RBMS3: variants seen among roughly 807,000 people sequenced by gnomAD.
RBMS3 encodes the protein RNA-binding motif, single-stranded-interacting protein 3.
In RBMS3, 27 loss-of-function variants were observed where a neutral mutation model predicts 66.8. That is an observed-to-expected ratio of 0.40 (90% confidence interval 0.30 to 0.56). The LOEUF (loss-of-function observed/expected upper bound fraction) is 0.56. RBMS3 is among the 20% of genes least tolerant of loss of function. The pLI, the probability that RBMS3 is intolerant of heterozygous loss-of-function variation, is 0.40. For missense variants in RBMS3, 513 were observed against 549.5 expected (o/e 0.93, Z 0.66); for synonymous variants, 188 against 183.0 (o/e 1.03, Z -0.22).
chr3:29,637,013 G>A (rs1408342798), intron 4 of RBMS3, among the ~76,000 whole-genome samples: 4 of 151,846 alleles, frequency 2.6e-5, no homozygotes, highest in Non-Finnish European at 5.9e-5. Flanking sequence ...CAGGTTATTA[G>A]CAGCATGGAA....
chr3:29,946,509 A>G (rs963867328), intron 12 of RBMS3, among the ~76,000 whole-genome samples: 1 of 151,756 alleles, frequency 6.6e-6, no homozygotes, highest in Non-Finnish European at 1.5e-5. Flanking sequence ...AAAGATGAGC[A>G]GAAAATAGAC....
chr3:29,318,423 G>A (rs766456784), intron 1 of RBMS3, among the ~76,000 whole-genome samples: 15 of 151,808 alleles, frequency 9.9e-5, no homozygotes, highest in Non-Finnish European at 1.6e-4. Context: ...GATGTACTGC[G>A]TAAGTCAAAT....
intron 1 of RBMS3, among the ~76,000 whole-genome samples, chr3:29,344,280 C>T (rs1385446587): frequency 6.6e-6 from 1 of 152,162 alleles, no homozygotes; most frequent in Non-Finnish European, 1.5e-5. Context: ...AGGTGCTGTG[C>T]TAGGCATCAT....
intron 1 of RBMS3, among the ~76,000 whole-genome samples, chr3:29,326,076 T>C (rs2125502325): frequency 6.6e-6 from 1 of 152,330 alleles, no homozygotes; most frequent in South Asian, 2.1e-4. Context: ...TGGTGTTTTT[T>C]TCCTAAGAAG....
intron 3 of RBMS3, among the ~76,000 whole-genome samples, chr3:29,528,141 C>A (rs1439763850): frequency 1.6e-5 from 2 of 128,570 alleles, no homozygotes; most frequent in Non-Finnish European, 3.1e-5. Context: ...GAGATATGGT[C>A]TCTCTCTGTC....
chr3:29,523,810 C>T (rs1363797232), intron 3 of RBMS3, among the ~76,000 whole-genome samples: 7 of 152,152 alleles, frequency 4.6e-5, no homozygotes, highest in Non-Finnish European at 1.0e-4. Flanking sequence ...TCATAGCTCA[C>T]TGCAGCCTCT....
intron 3 of RBMS3, among the ~76,000 whole-genome samples, chr3:29,580,371 A>C (rs1402370452): frequency 1.3e-5 from 2 of 152,150 alleles, no homozygotes; most frequent in Admixed American, 6.5e-5. Context: ...TATATACATA[A>C]ATTTAGAATA....
At chr3:29,765,016 A>T (rs894599091) in intron 6 of RBMS3, among the ~76,000 whole-genome samples, 2 of 152,042 alleles carry the variant, frequency 1.3e-5, no homozygotes, top group Non-Finnish European at 2.9e-5. Flanking sequence ...CAGAATATTG[A>T]TCATCATCAG....
chr3:29,846,215 G>C (rs571519329), intron 6 of RBMS3, among the ~76,000 whole-genome samples: 1 of 152,116 alleles, frequency 6.6e-6, no homozygotes, highest in South Asian at 2.1e-4. Context: ...TTTATAAAAG[G>C]GACCATTGCA....
chr3:29,922,863 C>T (rs2060830392), intron 10 of RBMS3, among the ~76,000 whole-genome samples: 1 of 152,132 alleles, frequency 6.6e-6, no homozygotes, highest in Non-Finnish European at 1.5e-5. Context: ...ATAGTCTTTT[C>T]ACAGTATTTC....
intron 1 of RBMS3, among the ~76,000 whole-genome samples, chr3:29,401,664 A>G (rs947418805): frequency 2.0e-5 from 3 of 152,118 alleles, no homozygotes; most frequent in Admixed American, 2.0e-4. Context: ...AGAATGACAT[A>G]GGTGGGAACT....
intron 6 of RBMS3, chr3:29,767,188 G>C (rs1451609434): frequency 6.6e-6 from 1 of 151,954 alleles, no homozygotes; most frequent in East Asian, 1.9e-4. Context: ...AGAGCCCCCA[G>C]AGCAGAATGA....
chr3:29,872,698 C>A (rs2059520912), intron 7 of RBMS3, among the ~76,000 whole-genome samples: 1 of 152,172 alleles, frequency 6.6e-6, no homozygotes, highest in Non-Finnish European at 1.5e-5. Context: ...TCCCCTTCCT[C>A]CCCGGTGCCT....
At chr3:29,466,596 A>C (rs1461282308) in intron 2 of RBMS3, among the ~76,000 whole-genome samples, 1 of 152,162 alleles carries the variant, frequency 6.6e-6, no homozygotes, top group Non-Finnish European at 1.5e-5. Flanking sequence ...GCTATTGTTA[A>C]GTGATTGAAT....
At chr3:29,744,829 G>A (rs1324458250) in intron 5 of RBMS3, among the ~76,000 whole-genome samples, 1 of 150,952 alleles carries the variant, frequency 6.6e-6, no homozygotes, top group Non-Finnish European at 1.5e-5. Flanking sequence ...AGAATACCTA[G>A]CCAATAATTG....
intron 1 of RBMS3, among the ~76,000 whole-genome samples, chr3:29,387,884 T>A (rs903604752): frequency 1.2e-4 from 18 of 152,324 alleles, no homozygotes; most frequent in African/African-American, 4.1e-4. Context: ...TTGCTTCTCT[T>A]CTGTGTTACC....
At chr3:29,691,088 C>G (rs2051983733) in intron 4 of RBMS3, among the ~76,000 whole-genome samples, 1 of 152,140 alleles carries the variant, frequency 6.6e-6, no homozygotes, top group Admixed American at 6.5e-5. Flanking sequence ...TGGTTTTCAG[C>G]AAGTTTAACT....
chr3:29,653,141 G>T (rs2050201398), intron 4 of RBMS3, among the ~76,000 whole-genome samples: 1 of 152,098 alleles, frequency 6.6e-6, no homozygotes, highest in South Asian at 2.1e-4. Context: ...TTGTGGTGGT[G>T]GTGGCGCCAT....
rs1015306535 is a variant in RBMS3 at position 29,880,666 on chromosome 3, G to A, written c.745-3496G>A. On this transcript the variant is annotated intron_variant, in intron 7 of 14. Coordinates refer to ENST00000383767, the MANE Select transcript of RBMS3 (RefSeq NM_001003793.3). Reference sequence around the variant, plus strand: ...GTTAGTTATTGTGCTATTATATTCAGCCAATGGGTTAAGTTCAAACAACCC... The same window carrying A: ...GTTAGTTATTGTGCTATTATATTCAACCAATGGGTTAAGTTCAAACAACCC... The A allele has an allele frequency of 1.0e-4, 91 of 905,888 alleles. 1 individual carries two copies. The Admixed American group carries it at 1.8e-3, about 18-fold the overall frequency. The allele number at this position is 905,888 out of a possible 1,614,324, so 56.1% of individuals were successfully genotyped here.
Sources: gnomAD v4.1 joint callset for allele counts (sites outside exome capture counted in the v4.1 genomes callset) on GRCh38, gnomAD v4.1.1 for gene constraint, MANE v1.5 for transcripts, NCBI Gene and HGNC (gene_info 2026-07-23, HGNC 2026-07-21) for gene names.